The following ZFC3H1 variants were observed in gnomAD, a reference collection of about 807,000 sequenced individuals.
The protein encoded by ZFC3H1 is zinc finger C3H1 domain-containing protein.
Under a neutral mutation model 243.7 loss-of-function variants are expected in ZFC3H1, and 71 were observed. The observed-to-expected ratio is 0.29, with a 90% CI of 0.24 to 0.36. The LOEUF (loss-of-function observed/expected upper bound fraction) is 0.36. ZFC3H1 is among the 10% of genes least tolerant of loss of function. The pLI is 1.00. For missense variants in ZFC3H1, 1,966 were observed against 2,317.1 expected (o/e 0.85, Z 3.11); for synonymous variants, 838 against 813.0 (o/e 1.03, Z -0.52).
In ZFC3H1 at chr12:71,619,834, G is replaced by T. The variant is rs999781411; in HGVS notation, c.5049+92C>A. Reference sequence around the variant, plus strand: ...GGAACACCTAACACTGCTTGCAAAGGGTAAAAGGACCAGGAAACACTTCCT... The same window carrying T: ...GGAACACCTAACACTGCTTGCAAAGTGTAAAAGGACCAGGAAACACTTCCT... On this transcript the variant is annotated intron_variant, in intron 26 of 34. Transcript: ENST00000378743. The T allele has an allele frequency of 1.7e-4, 201 of 1,182,484 alleles. No individual in the cohort carries two copies. In the African/African-American group the frequency reaches 2.8e-3, roughly 16 times the overall value. The allele number at this position is 1,182,484 out of a possible 1,614,324, so 73.2% of individuals were successfully genotyped here.
At chr12:71,629,742 A>C in intron 18 of ZFC3H1, 32 bp from the exon 19 acceptor site, 1 of 1,316,434 alleles carries the variant, frequency 7.6e-7, no homozygotes, top group Admixed American at 1.7e-5. Context: ...CTTCATGATA[A>C]ATATCAATTA....
intron 2 of ZFC3H1, among the ~76,000 whole-genome samples, chr12:71,649,246 T>C (rs750536182): frequency 4.6e-5 from 7 of 152,154 alleles, no homozygotes; most frequent in Non-Finnish European, 7.3e-5. Flanking sequence ...AAACAACATA[T>C]ACTTCAAACA....
chr12:71,609,686 T>G lies in ZFC3H1; in HGVS notation c.*742A>C, dbSNP rs1879720129. The G allele has an allele frequency of 1.3e-5, 2 of 152,566 alleles. No homozygotes were observed. The highest frequency in any genetic ancestry group is 1.3e-4 in the Admixed American group (2 of 15,270). 9.5% of individuals were successfully genotyped at this position (152,566 alleles called of 1,614,324 possible). A position where few individuals can be genotyped will look rare whatever the true frequency, so the allele number is the denominator to read the frequency against. ...TTTCAATACAAAGCAGTTCAAATAT[T>G]AACTGTTCTTTAAACTGTTAAACTT... On this transcript the variant is annotated 3_prime_UTR_variant, in exon 35 of 35. Coordinates refer to ENST00000378743, the MANE Select transcript of ZFC3H1 (RefSeq NM_144982.5).
At chr12:71,616,061 G>A (rs1044348312) in intron 27 of ZFC3H1, among the ~76,000 whole-genome samples, 4 of 152,108 alleles carry the variant, frequency 2.6e-5, no homozygotes, top group African/African-American at 4.8e-5. Context: ...AGGCTGAGGC[G>A]GGTGGTTCAC....
At chr12:71,610,793 A>G in intron 33 of ZFC3H1, 36 bp from the exon 34 acceptor site, 5 of 1,589,548 alleles carry the variant, frequency 3.1e-6, no homozygotes, top group Non-Finnish European at 4.3e-6. Context: ...CCATCAGAAA[A>G]TATAATGAAA....
intron 12 of ZFC3H1, 106 bp from the exon 13 acceptor site, chr12:71,633,544 C>T (rs931062704): frequency 1.1e-5 from 9 of 815,290 alleles, no homozygotes; most frequent in South Asian, 5.7e-5. Context: ...AATGCATCTA[C>T]GAGACACAGA....
chr12:71,620,224 G>A lies in ZFC3H1; in HGVS notation c.4836C>T (p.His1612=), dbSNP rs772867294. 2.5e-6 allele frequency: 4 copies of A among 1,614,146 alleles called. No individual in the cohort carries two copies. The highest frequency in any genetic ancestry group is 2.2e-5 in the South Asian group (2 of 91,080). ...TTAAGTTGTACCTCTCCAGGAGTTGGTGCAGAGCAATCATGTTTGTGTAAA... is the reference window on the plus strand; with the variant it reads ...TTAAGTTGTACCTCTCCAGGAGTTGATGCAGAGCAATCATGTTTGTGTAAA... ...LPLYTNMIAL[H]QLLERYEAAM... is the part of the protein sequence containing the mutation. The change falls in exon 25 of 35, where the codon CAC becomes CAT. Residue 1612 remains histidine, a synonymous_variant. Coordinates refer to ENST00000378743, the MANE Select transcript of ZFC3H1 (RefSeq NM_144982.5).
At chr12:71,648,617 C>T (rs1880789678) in intron 2 of ZFC3H1, among the ~76,000 whole-genome samples, 2 of 152,124 alleles carry the variant, frequency 1.3e-5, no homozygotes, top group African/African-American at 2.4e-5. Flanking sequence ...TCCAAACATC[C>T]TAATTTGACT....
chr12:71,628,773 T>G, intron 20 of ZFC3H1, 145 bp downstream of exon 20: 1 of 700,864 alleles, frequency 1.4e-6, no homozygotes, highest in Non-Finnish European at 2.2e-6. Flanking sequence ...TTAACTGTAT[T>G]GTCTAAAAAC....
At chr12:71,659,016 T>C (rs771385282) in intron 1 of ZFC3H1, among the ~76,000 whole-genome samples, 6 of 152,170 alleles carry the variant, frequency 3.9e-5, no homozygotes, top group Non-Finnish European at 8.8e-5. Context: ...TTGGCTTCCA[T>C]AACTCCGCAT....
chr12:71,637,868 T>C (rs1880503652), intron 7 of ZFC3H1, among the ~76,000 whole-genome samples: 1 of 152,220 alleles, frequency 6.6e-6, no homozygotes, highest in Non-Finnish European at 1.5e-5. Context: ...ACTTTTAATG[T>C]GTGATTCCTC....
At chr12:71,629,430 G>C (rs989190337) in intron 19 of ZFC3H1, among the ~76,000 whole-genome samples, 179 bp downstream of exon 19, 1 of 151,954 alleles carries the variant, frequency 6.6e-6, no homozygotes, top group Admixed American at 6.6e-5. Flanking sequence ...GCCTCCCAAA[G>C]TGCTGGGATT....
Position 71,620,313 on chromosome 12 carries a change from C to A in ZFC3H1, c.4747G>T (p.Ala1583Ser). Residue 1583 changes from alanine (A) to serine (S), a missense_variant and splice_region_variant, in exon 25 of 35, where the codon GCA becomes TCA. Physicochemically the swap from Ala to Ser is moderately conservative, Grantham distance 99. This residue lies in a region of ZFC3H1 where 1,383 missense variants were observed against 1,723.7 expected (regional missense o/e 0.80). Transcript: ENST00000378743. ...PDMLLAVFED[A>S]VKACTDESLA... ...CTCTCATCTGTGCAAGCTTTCACTG[C>A]ATCTACCCAAAAACATCACAACAAC... 3 of 1,614,004 alleles carry A rather than the reference C, an allele frequency of 1.9e-6. No homozygotes were observed. The highest frequency in any genetic ancestry group is 3.3e-5 in the Admixed American group (2 of 60,000).
chr12:71,655,973 ATACAAT>A (rs141270179), intron 2 of ZFC3H1, among the ~76,000 whole-genome samples: 2,742 of 152,296 alleles, frequency 0.018, 64 homozygotes, highest in African/African-American at 0.062. Context: ...CTACTGACAT[ATACAAT>A]TACATGAATG....
chr12:71,613,830 T>A (rs1208159318), intron 30 of ZFC3H1: 1 of 154,804 alleles, frequency 6.5e-6, no homozygotes, highest in Non-Finnish European at 1.4e-5. Flanking sequence ...AAGAATGGCA[T>A]AGAAGTACAA....
At chr12:71,627,142 T>C (rs976361093) in intron 21 of ZFC3H1, among the ~76,000 whole-genome samples, 1 of 152,116 alleles carries the variant, frequency 6.6e-6, no homozygotes, top group Admixed American at 6.6e-5. Flanking sequence ...AAAAAAACCC[T>C]TGAATTATTG....
intron 7 of ZFC3H1, 142 bp downstream of exon 7, chr12:71,638,276 T>C (rs1291424213): frequency 1.3e-6 from 1 of 773,122 alleles, no homozygotes; most frequent in Non-Finnish European, 2.0e-6. Context: ...ATCAACTGTT[T>C]ATTCTACGTA....
In ZFC3H1 at chr12:71,619,983, T is replaced by G. The variant is rs750624310; in HGVS notation, c.4992A>C (p.Glu1664Asp). Residue 1664 changes from glutamate to aspartate, a missense_variant, in exon 26 of 35, where the codon GAA (glutamate) becomes GAC (aspartate). By Grantham distance (45) the Glu-to-Asp change is conservative. This residue lies in a region of ZFC3H1 where 1,383 missense variants were observed against 1,723.7 expected (regional missense o/e 0.80). Transcript: ENST00000378743. ...AAACCTCTGCATTCTGAGGATTTTTTTCAAATGCAGTAAGCCACACTGCTC... is the reference window on the plus strand; with the variant it reads ...AAACCTCTGCATTCTGAGGATTTTTGTCAAATGCAGTAAGCCACACTGCTC... ...KARAVWLTAF[E>D]KNPQNAEVFY... The G allele has an allele frequency of 1.2e-6, 2 of 1,606,156 alleles. No homozygotes were observed. Among genetic ancestry groups the G allele is most frequent in the Non-Finnish European group, 8.5e-7 (1 of 1,174,776 alleles).
intron 2 of ZFC3H1, chr12:71,656,574 A>G (rs1565829845): frequency 1.6e-6 from 1 of 638,812 alleles, no homozygotes; most frequent in Admixed American, 3.1e-5. Context: ...CTACAAAAAA[A>G]TTAACATCAT....
Sources: gnomAD v4.1 joint callset for allele counts (sites outside exome capture counted in the v4.1 genomes callset) on GRCh38, gnomAD v4.1.1 for gene constraint, gnomAD v4.1.1 regional missense constraint, MANE v1.5 for transcripts, NCBI Gene and HGNC (gene_info 2026-07-23, HGNC 2026-07-21) for gene names.